Variants in SCARA3 observed in about 807,000 individuals in gnomAD.
SCARA3 encodes the protein scavenger receptor class A member 3.
SCARA3 carries 39 observed loss-of-function variants against 47.0 expected under a neutral mutation model. The ratio of observed to expected loss-of-function variants is 0.83; its 90% confidence interval spans 0.64 to 1.08. The LOEUF (loss-of-function observed/expected upper bound fraction) is 1.08, where lower values mean the gene tolerates loss of function less well. SCARA3 is among the 50% of genes least tolerant of loss of function. SCARA3 has a pLI of 0.00. For synonymous variants in SCARA3, 356 were observed against 334.1 expected, an observed-to-expected ratio of 1.07 and a Z score of -0.71; for missense variants, 724 against 792.3, an observed-to-expected ratio of 0.91 and a Z score of 1.04.
At chr8:27,694,671 G>A in the SCARA3 span, among the ~76,000 whole-genome samples, 1 of 152,092 alleles carries the variant, frequency 6.6e-6, no homozygotes, top group Non-Finnish European at 1.5e-5. Context: ...GATCAGCAAG[G>A]AGCTTACCTC....
intron 1 of SCARA3, among the ~76,000 whole-genome samples, chr8:27,635,106 T>C (rs1801222122): frequency 6.6e-6 from 1 of 152,090 alleles, no homozygotes; most frequent in South Asian, 2.1e-4. Flanking sequence ...AAGTAGAAAC[T>C]GAAAAGGGCC....
the SCARA3 span, among the ~76,000 whole-genome samples, chr8:27,696,926 T>TTTGA: frequency 6.6e-6 from 1 of 152,116 alleles, no homozygotes; most frequent in African/African-American, 2.4e-5. Flanking sequence ...GAGGTTTCTT[T>TTTGA]TTGAGGTGAT....
the SCARA3 span, among the ~76,000 whole-genome samples, chr8:27,690,112 C>G: frequency 5.3e-5 from 8 of 152,108 alleles, no homozygotes; most frequent in Non-Finnish European, 1.0e-4. Context: ...AATTTCTAGC[C>G]CCTTCTGATC....
the SCARA3 span, among the ~76,000 whole-genome samples, chr8:27,704,868 G>A: frequency 6.6e-6 from 1 of 152,186 alleles, no homozygotes; most frequent in Non-Finnish European, 1.5e-5. Flanking sequence ...AGGCTGAGCT[G>A]GAGATGGGAG....
the SCARA3 span, among the ~76,000 whole-genome samples, chr8:27,690,595 A>G: frequency 6.6e-6 from 1 of 152,250 alleles, no homozygotes; most frequent in Admixed American, 6.5e-5. Flanking sequence ...TTATGTACTG[A>G]TAAGGAATAA....
chr8:27,718,421 T>A, the SCARA3 span, among the ~76,000 whole-genome samples: 3 of 152,238 alleles, frequency 2.0e-5, no homozygotes, highest in Admixed American at 2.0e-4. Context: ...AGGCCAGCAG[T>A]GAAGACCCTT....
At chr8:27,641,523 G>C (rs1801381946) in intron 1 of SCARA3, among the ~76,000 whole-genome samples, 1 of 152,212 alleles carries the variant, frequency 6.6e-6, no homozygotes. Flanking sequence ...GCAGCTCCAG[G>C]CTTCTCTAGT....
At chr8:27,638,641 G>T (rs34907015) in intron 1 of SCARA3, among the ~76,000 whole-genome samples, 15,844 of 152,152 alleles carry the variant, frequency 0.1, 1,006 homozygotes, top group East Asian at 0.29. Flanking sequence ...TCAACAAACA[G>T]CGATGGGGCG....
the SCARA3 span, among the ~76,000 whole-genome samples, chr8:27,683,128 A>T: frequency 1.3e-5 from 2 of 152,200 alleles, no homozygotes; most frequent in African/African-American, 2.4e-5. Context: ...TAGACACAAA[A>T]ATATGGATGA....
the SCARA3 span, among the ~76,000 whole-genome samples, chr8:27,707,488 A>AC: frequency 3.0e-4 from 46 of 151,938 alleles, no homozygotes; most frequent in African/African-American, 1.1e-3. Flanking sequence ...GTCAAAAAAA[A>AC]ACATTCAACA....
At chr8:27,721,844 G>A in the SCARA3 span, among the ~76,000 whole-genome samples, 1 of 152,222 alleles carries the variant, frequency 6.6e-6, no homozygotes, top group Non-Finnish European at 1.5e-5. Context: ...AGCCAAGGCA[G>A]GTGGATCACT....
At chr8:27,703,848 T>TG in the SCARA3 span, 4 of 54,460 alleles carry the variant, frequency 7.3e-5, no homozygotes, top group African/African-American at 3.3e-4. Context: ...TTTCTACTTT[T>TG]TTTTTTTTTT....
chr8:27,646,681 G>A (rs1801500157), intron 1 of SCARA3, among the ~76,000 whole-genome samples: 2 of 152,140 alleles, frequency 1.3e-5, no homozygotes, highest in African/African-American at 4.8e-5. Flanking sequence ...TGGGGTCTCT[G>A]GAGGTGAGAG....
intron 5 of SCARA3, among the ~76,000 whole-genome samples, chr8:27,661,143 C>T (rs1351733495): frequency 6.6e-6 from 1 of 152,004 alleles, no homozygotes; most frequent in Non-Finnish European, 1.5e-5. Context: ...CCTAAAGCAC[C>T]CTCACAGAAG....
At chr8:27,653,583 G>A (rs567526386) in intron 3 of SCARA3, among the ~76,000 whole-genome samples, 2 of 152,034 alleles carry the variant, frequency 1.3e-5, no homozygotes, top group East Asian at 3.9e-4. Context: ...GTGTGTGTGT[G>A]TGTGTGTGTG....
At chr8:27,690,237 G>A in the SCARA3 span, among the ~76,000 whole-genome samples, 2 of 152,150 alleles carry the variant, frequency 1.3e-5, no homozygotes, top group Non-Finnish European at 2.9e-5. Context: ...CCTCCCATCA[G>A]TCAGGGAGTC....
At chr8:27,654,075 C>A (rs187689554) in intron 3 of SCARA3, among the ~76,000 whole-genome samples, 2 of 152,018 alleles carry the variant, frequency 1.3e-5, no homozygotes, top group African/African-American at 4.8e-5. Flanking sequence ...CTTTTTTGAC[C>A]GTGCATCCCA....
At chr8:27,659,719 G>A (rs1341842924) in intron 5 of SCARA3, among the ~76,000 whole-genome samples, 180 bp downstream of exon 5, 1 of 151,988 alleles carries the variant, frequency 6.6e-6, no homozygotes, top group Non-Finnish European at 1.5e-5. Flanking sequence ...GCATGGTGGT[G>A]TGTACCTATA....
intron 3 of SCARA3, among the ~76,000 whole-genome samples, chr8:27,653,570 CGTGTGTGT>C (rs61545866): frequency 2.8e-5 from 4 of 145,196 alleles, no homozygotes; most frequent in South Asian, 4.6e-4. Flanking sequence ...ATTTGTAAAG[CGTGTGTGT>C]GTGTGTGTGT....
Sources: allele counts gnomAD v4.1 joint callset (sites outside exome capture counted in the v4.1 genomes callset), GRCh38; gene constraint gnomAD v4.1.1; transcripts MANE v1.5; gene names NCBI Gene and HGNC (gene_info 2026-07-23, HGNC 2026-07-21).